The following PEBP4 variants were observed in gnomAD, a reference collection of about 807,000 sequenced individuals.
PEBP4 encodes phosphatidylethanolamine-binding protein 4.
A neutral mutation model predicts 23.9 loss-of-function variants in PEBP4; 22 were observed. The ratio of observed to expected loss-of-function variants is 0.92; its 90% CI spans 0.66 to 1.31. PEBP4 has a LOEUF of 1.31. Ranked by LOEUF, PEBP4 falls within the 40% of genes most tolerant of loss-of-function variation. The pLI is 0.00. For missense variants in PEBP4, 324 were observed against 281.7 expected, an observed-to-expected ratio of 1.15 and a Z score of -1.07; for synonymous variants, 112 against 99.3, an observed-to-expected ratio of 1.13 and a Z score of -0.76.
At chr8:22,744,798 C>G (rs1419305237) in intron 4 of PEBP4, 1 of 152,176 alleles carries the variant, frequency 6.6e-6, no homozygotes, top group Admixed American at 6.5e-5. Flanking sequence ...GTCCTGGACC[C>G]GTATCCAGCA....
chr8:22,865,636 C>T lies in PEBP4; in HGVS notation c.259-47901G>A, dbSNP rs921253999. ...CCCCGCCCCATCCTGCTCAGAAAAG[C>T]CTCGGATGCTGCCCGGGAGGAGGAG... On this transcript the variant is annotated intron_variant, in intron 3 of 6. Coordinates refer to ENST00000256404, the MANE Select transcript of PEBP4 (RefSeq NM_144962.3). This position sits in a 1 kb window ranked among gnomAD's most constrained non-coding sequence, Gnocchi z 6.9. Among the ~76,000 whole-genome samples, 14 of 152,166 alleles carry T rather than the reference C, an allele frequency of 9.2e-5. No individual in the cohort carries two copies. The highest frequency in any genetic ancestry group is 1.5e-4 in the Non-Finnish European group (10 of 67,998).
chr8:22,845,213 G>C (rs541041628), intron 3 of PEBP4, among the ~76,000 whole-genome samples: 3 of 152,240 alleles, frequency 2.0e-5, no homozygotes, highest in African/African-American at 7.2e-5. Context: ...CTGCCTGGGA[G>C]TGAGGGTGGG....
intron 3 of PEBP4, among the ~76,000 whole-genome samples, chr8:22,855,818 A>G (rs527636981): frequency 6.6e-6 from 1 of 152,246 alleles, no homozygotes; most frequent in South Asian, 2.1e-4. Context: ...AAGCGGAAGA[A>G]TTGCATGGGC....
intron 4 of PEBP4, among the ~76,000 whole-genome samples, chr8:22,787,809 A>T (rs1399687633): frequency 6.6e-6 from 1 of 152,230 alleles, no homozygotes; most frequent in Admixed American, 6.5e-5. Context: ...GAGGGGGCTC[A>T]GTTCTGCCCC....
intron 3 of PEBP4, among the ~76,000 whole-genome samples, chr8:22,841,738 T>C (rs1479296705): frequency 1.3e-5 from 2 of 152,184 alleles, no homozygotes; most frequent in Non-Finnish European, 2.9e-5. Flanking sequence ...GAGGACAGCT[T>C]GGAAAAGGAT....
At chr8:22,793,607 A>G (rs1011808633) in intron 4 of PEBP4, among the ~76,000 whole-genome samples, 11 of 152,056 alleles carry the variant, frequency 7.2e-5, no homozygotes, top group African/African-American at 2.7e-4. Context: ...ATGTAGTGTA[A>G]TTTATTTGCC....
At chr8:22,902,630 AC>A (rs1166127751) in intron 3 of PEBP4, among the ~76,000 whole-genome samples, 1 of 152,120 alleles carries the variant, frequency 6.6e-6, no homozygotes, top group African/African-American at 2.4e-5. Flanking sequence ...TCAGCCCTGG[AC>A]CCGATGAATG....
chr8:22,791,557 C>T (rs1054756866), intron 4 of PEBP4, among the ~76,000 whole-genome samples: 4 of 151,962 alleles, frequency 2.6e-5, no homozygotes, highest in African/African-American at 9.7e-5. Context: ...TGCGTTCGCG[C>T]GTGCTTGTGT....
intron 4 of PEBP4, among the ~76,000 whole-genome samples, chr8:22,740,493 C>T (rs760374420): frequency 1.2e-4 from 18 of 152,186 alleles, no homozygotes; most frequent in Admixed American, 4.6e-4. Flanking sequence ...GCGACTTCTA[C>T]GCACACTAAA....
chr8:22,753,546 G>C (rs1383547394), intron 4 of PEBP4, among the ~76,000 whole-genome samples: 1 of 152,204 alleles, frequency 6.6e-6, no homozygotes, highest in East Asian at 1.9e-4. Flanking sequence ...TGTTTCATGT[G>C]GACACATGAT....
chr8:22,778,385 C>CTT (rs1211155646), intron 4 of PEBP4, among the ~76,000 whole-genome samples: 18 of 146,250 alleles, frequency 1.2e-4, no homozygotes, highest in African/African-American at 3.8e-4. Context: ...AGAGCTTGAA[C>CTT]TTTTTTTTTT....
At chr8:22,789,649 G>T (rs1806097358) in intron 4 of PEBP4, among the ~76,000 whole-genome samples, 2 of 152,174 alleles carry the variant, frequency 1.3e-5, no homozygotes, top group East Asian at 1.9e-4. Flanking sequence ...GCAGCATGGG[G>T]GTCCTTTGCG....
chr8:22,761,850 C>T (rs1185610632), intron 4 of PEBP4, among the ~76,000 whole-genome samples: 5 of 152,032 alleles, frequency 3.3e-5, no homozygotes, highest in African/African-American at 7.2e-5. Context: ...AATCACAGCA[C>T]GCTAAAGAAT....
At chr8:22,922,795 G>C (rs1180292250) in intron 2 of PEBP4, among the ~76,000 whole-genome samples, 1 of 120,572 alleles carries the variant, frequency 8.3e-6, no homozygotes, top group East Asian at 3.1e-4. Flanking sequence ...GCTGCTTGTG[G>C]TTTACCTGAC....
Position 22,752,975 on chromosome 8 carries a change from T to G in PEBP4, c.358-25755A>C, listed in dbSNP as rs141277107. 1.4e-4 allele frequency among the ~76,000 whole-genome samples: 22 copies of G among 152,280 alleles called. No individual in the cohort carries two copies. In the East Asian group the frequency reaches 4.2e-3, roughly 29 times the overall value. On this transcript the variant is annotated intron_variant, in intron 4 of 6. Coordinates refer to ENST00000256404, the MANE Select transcript of PEBP4 (RefSeq NM_144962.3). ...GCTGGAGACGTATTCCTGCTATGTC[T>G]CCTCTTTTCCCCATTGCCCAAGTTG...
At chr8:22,736,294 A>T (rs924796693) in intron 4 of PEBP4, among the ~76,000 whole-genome samples, 1 of 152,202 alleles carries the variant, frequency 6.6e-6, no homozygotes, top group Non-Finnish European at 1.5e-5. Context: ...TAGTCTTATT[A>T]AACCTGTTCT....
chr8:22,905,295 A>G (rs78411463), intron 3 of PEBP4, among the ~76,000 whole-genome samples: 1 of 151,310 alleles, frequency 6.6e-6, no homozygotes, highest in African/African-American at 2.4e-5. Flanking sequence ...AAAAAAAAAA[A>G]TAGGCTATTC....
intron 4 of PEBP4, among the ~76,000 whole-genome samples, chr8:22,755,326 CTTTTTTTTTTTTTTTTTT>C (rs547269095): frequency 8.7e-6 from 1 of 114,592 alleles, no homozygotes; most frequent in Non-Finnish European, 1.8e-5. Flanking sequence ...TTCTCTCCCT[CTTTTTTTTTTTTTTTTTT>C]TTTTTTTTTG....
intron 4 of PEBP4, among the ~76,000 whole-genome samples, chr8:22,768,306 G>T (rs560920437): frequency 6.6e-6 from 1 of 152,152 alleles, no homozygotes; most frequent in Non-Finnish European, 1.5e-5. Context: ...GCCAGTGCTT[G>T]CAGAGACAGG....
Sources: gnomAD v4.1 joint callset for allele counts (sites outside exome capture counted in the v4.1 genomes callset) on GRCh38, gnomAD v4.1.1 for gene constraint, Gnocchi (gnomAD v3.1) non-coding constraint, MANE v1.5 for transcripts, NCBI Gene and HGNC (gene_info 2026-07-23, HGNC 2026-07-21) for gene names.